The following SORL1 variants were observed in gnomAD, a reference collection of about 807,000 sequenced individuals.
The protein encoded by SORL1 is sortilin-related receptor.
Under a neutral mutation model 273.7 loss-of-function variants are expected in SORL1, and 127 were observed. The observed-to-expected ratio is 0.46, with a 90% CI of 0.40 to 0.54. The LOEUF (loss-of-function observed/expected upper bound fraction) is 0.54. Ranked by LOEUF, SORL1 falls within the 20% of genes least tolerant of loss-of-function variation. The pLI, the probability that SORL1 is intolerant of heterozygous loss-of-function variation, is 0.00. For synonymous variants in SORL1, 1,031 were observed against 1,067.4 expected (o/e 0.97, Z 0.66); for missense variants, 2,494 against 2,846.1 (o/e 0.88, Z 2.81).
chr11:121,612,640 A>G (rs1245846603), intron 39 of SORL1, 96 bp from the exon 40 acceptor site: 3 of 867,530 alleles, frequency 3.5e-6, no homozygotes, highest in Non-Finnish European at 5.6e-6. Context: ...TACCCAAGGA[A>G]AGAACAGGAA....
At chr11:121,474,307 C>T (rs1271386610) in intron 2 of SORL1, among the ~76,000 whole-genome samples, 1 of 151,778 alleles carries the variant, frequency 6.6e-6, no homozygotes, top group Non-Finnish European at 1.5e-5. Flanking sequence ...CTGCACTTGA[C>T]CAGTGTCTTG....
At chr11:121,619,030 C>A in intron 42 of SORL1, 137 bp downstream of exon 42, 1 of 845,588 alleles carries the variant, frequency 1.2e-6, no homozygotes, top group Non-Finnish European at 1.9e-6. Context: ...TCCTCTTCTT[C>A]ATAAGCATCA....
chr11:121,512,928 C>G (rs748476401), intron 6 of SORL1, 75 bp from the exon 7 acceptor site: 3 of 998,844 alleles, frequency 3.0e-6, no homozygotes, highest in East Asian at 2.4e-5. Context: ...TCTGACTCTT[C>G]TATTTTTATT....
chr11:121,500,949 C>A (rs1418216596), intron 6 of SORL1, among the ~76,000 whole-genome samples: 1 of 152,178 alleles, frequency 6.6e-6, no homozygotes, highest in Admixed American at 6.5e-5. Flanking sequence ...AATTTGCTCT[C>A]TAATGTTGAT....
At chr11:121,476,453 G>T (rs1255971370) in intron 2 of SORL1, among the ~76,000 whole-genome samples, 1 of 152,156 alleles carries the variant, frequency 6.6e-6, no homozygotes, top group Non-Finnish European at 1.5e-5. Context: ...TATTAAAGAC[G>T]TGCATGTGCT....
At chr11:121,555,498 T>G (rs556349) in intron 18 of SORL1, among the ~76,000 whole-genome samples, 180 bp downstream of exon 18, 79,662 of 151,982 alleles carry the variant, frequency 0.52, 23,373 homozygotes, top group Non-Finnish European at 0.68. Context: ...TAAGTACCTG[T>G]GAGTTGATCT....
intron 44 of SORL1, among the ~76,000 whole-genome samples, chr11:121,621,859 A>G (rs1225692585): frequency 2.6e-5 from 4 of 152,186 alleles, no homozygotes; most frequent in African/African-American, 9.7e-5. Context: ...TCCTTATCCC[A>G]TCCCATTCCT....
chr11:121,549,764 T>C (rs1005283182), intron 14 of SORL1, among the ~76,000 whole-genome samples, 196 bp from the exon 15 acceptor site: 1 of 151,938 alleles, frequency 6.6e-6, no homozygotes, highest in African/African-American at 2.4e-5. Flanking sequence ...TGTGATTGTG[T>C]TTTTCCAACT....
At chr11:121,571,464 A>T (rs750806694) in intron 23 of SORL1, among the ~76,000 whole-genome samples, 11 of 152,368 alleles carry the variant, frequency 7.2e-5, no homozygotes, top group African/African-American at 2.4e-4. Context: ...CTTTGGAAGG[A>T]TAAGTAGTGG....
chr11:121,629,691 C>CAA lies in SORL1; in HGVS notation c.*141_*142dup, dbSNP rs566582399. The CAA allele has an allele frequency of 1.8e-3, 760 of 414,364 alleles. No homozygotes were observed. Among genetic ancestry groups the CAA allele is most frequent in the Non-Finnish European group, 2.1e-3 (494 of 238,722 alleles). The allele number at this position is 414,364 out of a possible 1,614,324, so 25.7% of individuals were successfully genotyped here. A position where few individuals can be genotyped will look rare whatever the true frequency, so the allele number is the denominator to read the frequency against. On this transcript the variant is annotated 3_prime_UTR_variant, in exon 48 of 48. Coordinates refer to ENST00000260197, the MANE Select transcript of SORL1 (RefSeq NM_003105.6). ...TTTTATATGGGCCAAAAACAAAAAACAAAAAAAAAAAAAAGGAAAGAAAGG... is the reference window on the plus strand; with the variant it reads ...TTTTATATGGGCCAAAAACAAAAAACAAAAAAAAAAAAAAAAGGAAAGAAAGG...
chr11:121,538,806 G>A (rs1862305668), intron 12 of SORL1, among the ~76,000 whole-genome samples: 1 of 152,030 alleles, frequency 6.6e-6, no homozygotes, highest in Non-Finnish European at 1.5e-5. Context: ...AGCCTCCCGA[G>A]TAGCTGGGAT....
intron 18 of SORL1, among the ~76,000 whole-genome samples, chr11:121,555,924 T>A (rs929825265): frequency 2.6e-5 from 4 of 152,194 alleles, no homozygotes; most frequent in African/African-American, 9.7e-5. Flanking sequence ...CTCTTTATAC[T>A]GACTCTGCAT....
At chr11:121,462,168 G>T (rs908071337) in intron 1 of SORL1, among the ~76,000 whole-genome samples, 6 of 152,116 alleles carry the variant, frequency 3.9e-5, no homozygotes, top group African/African-American at 7.2e-5. Context: ...TGAAATTTTT[G>T]ATCTCAAGCA....
At chr11:121,530,569 T>A (rs889787928) in intron 11 of SORL1, among the ~76,000 whole-genome samples, 2 of 152,144 alleles carry the variant, frequency 1.3e-5, no homozygotes, top group Non-Finnish European at 2.9e-5. Flanking sequence ...CTTTGGAGAT[T>A]TTTTTTTCAT....
chr11:121,522,477 C>T, intron 9 of SORL1, 109 bp from the exon 10 acceptor site: 1 of 798,528 alleles, frequency 1.3e-6, no homozygotes, highest in Admixed American at 1.8e-5. Context: ...CTGGGCCAGG[C>T]CTCCTTGCCC....
rs1284463799 is a variant in SORL1, at chr11:121,595,235, T to A, written c.4370-388T>A. 6.6e-6 allele frequency among the ~76,000 whole-genome samples: 1 copy of A among 152,250 alleles called. No individual in the cohort carries two copies. The highest frequency in any genetic ancestry group is 1.5e-5 in the Non-Finnish European group (1 of 68,040). ...TCTTCACTTCCAGTTAGATGCCAGT[T>A]TCTGAACTTTTGGAGGACTGTGTGT... is the stretch of plus-strand genomic sequence containing the variant. On this transcript the variant is annotated intron_variant, in intron 31 of 47. Transcript: ENST00000260197. The surrounding 1 kb of genome is among the most constrained non-coding windows in gnomAD (Gnocchi z 5.1).
intron 6 of SORL1, among the ~76,000 whole-genome samples, chr11:121,510,001 G>A (rs956141507): frequency 2.2e-4 from 34 of 152,140 alleles, no homozygotes; most frequent in Non-Finnish European, 5.9e-5. Flanking sequence ...TTCTAAGACT[G>A]CATCCTACCA....
intron 13 of SORL1, among the ~76,000 whole-genome samples, chr11:121,544,667 G>A (rs1209890277): frequency 6.6e-6 from 1 of 152,198 alleles, no homozygotes; most frequent in Non-Finnish European, 1.5e-5. Flanking sequence ...CATAGACATA[G>A]GCATACTTTG....
At chr11:121,610,973 C>T (rs761802200) in intron 38 of SORL1, 103 bp from the exon 39 acceptor site, 33 of 762,388 alleles carry the variant, frequency 4.3e-5, no homozygotes, top group African/African-American at 8.7e-5. Context: ...CTTTCTTCCC[C>T]GACTGAAAGA....
Sources: gnomAD v4.1 joint callset for allele counts (sites outside exome capture counted in the v4.1 genomes callset) on GRCh38, gnomAD v4.1.1 for gene constraint, Gnocchi (gnomAD v3.1) non-coding constraint, MANE v1.5 for transcripts, NCBI Gene and HGNC (gene_info 2026-07-23, HGNC 2026-07-21) for gene names.